PTPN4: variants seen among roughly 807,000 people sequenced by gnomAD.
PTPN4 encodes the protein tyrosine-protein phosphatase non-receptor type 4.
A neutral mutation model predicts 135.5 loss-of-function variants in PTPN4; 49 were observed. The observed-to-expected ratio is 0.36, with a 90% CI of 0.29 to 0.46. The LOEUF (loss-of-function observed/expected upper bound fraction) is 0.46, where lower values mean the gene tolerates loss of function less well. Ranked by LOEUF, PTPN4 falls within the 20% of genes least tolerant of loss-of-function variation. PTPN4 has a pLI of 1.00. For missense variants in PTPN4, 860 were observed against 1,101.0 expected (o/e 0.78, Z 3.10); for synonymous variants, 333 against 369.9 (o/e 0.90, Z 1.14).
intron 3 of PTPN4, among the ~76,000 whole-genome samples, chr2:119,871,040 A>G (rs1424253533): frequency 6.6e-6 from 1 of 151,724 alleles, no homozygotes; most frequent in Non-Finnish European, 1.5e-5. Context: ...TAAAAGTCAC[A>G]TAACCCAATA....
At chr2:119,768,790 A>G (rs2104919049) in intron 1 of PTPN4, among the ~76,000 whole-genome samples, 1 of 152,286 alleles carries the variant, frequency 6.6e-6, no homozygotes. Context: ...AGAACTTCTC[A>G]TTTAATCTTT....
At chr2:119,975,998 T>A (rs1679610619) in intron 26 of PTPN4, among the ~76,000 whole-genome samples, 1 of 82,312 alleles carries the variant, frequency 1.2e-5, no homozygotes, top group Admixed American at 2.0e-4. Flanking sequence ...TTTATTTATT[T>A]ATTTTTTTTT....
intron 1 of PTPN4, among the ~76,000 whole-genome samples, chr2:119,772,561 G>A (rs1220649793): frequency 2.0e-5 from 3 of 151,926 alleles, no homozygotes; most frequent in Non-Finnish European, 4.4e-5. Context: ...TTTTTGAGGC[G>A]GACTTTTGCT....
At chr2:119,843,656 T>A (rs1360510024) in intron 2 of PTPN4, among the ~76,000 whole-genome samples, 1 of 84,540 alleles carries the variant, frequency 1.2e-5, no homozygotes, top group African/African-American at 5.8e-5. Flanking sequence ...ACGGGGCGGC[T>A]GGCCGGGCAG....
chr2:119,773,170 A>G (rs921292864), intron 1 of PTPN4, among the ~76,000 whole-genome samples: 1 of 152,076 alleles, frequency 6.6e-6, no homozygotes, highest in Admixed American at 6.6e-5. Flanking sequence ...GCTAGGGTGA[A>G]TAGTTTTTCT....
At position 119,835,792 on chromosome 2, in the gene PTPN4, G is replaced by A. The variant is rs1022090116; in HGVS notation, c.138+25801G>A. Among the ~76,000 whole-genome samples the A allele has an allele frequency of 5.3e-5, 8 of 152,132 alleles. No individual in the cohort carries two copies. The East Asian group carries it at 5.8e-4, about 11-fold the overall frequency. ...TTTAGAAATGTGGAAGGAACCGGCC[G>A]GGCATGGTGGCTCACACCTGTAATC... On this transcript the variant is annotated intron_variant, in intron 2 of 26. Coordinates refer to ENST00000263708, the MANE Select transcript of PTPN4 (RefSeq NM_002830.4).
chr2:119,900,974 G>T (rs1412400381), intron 10 of PTPN4, among the ~76,000 whole-genome samples, 168 bp downstream of exon 10: 5 of 152,094 alleles, frequency 3.3e-5, no homozygotes, highest in South Asian at 2.1e-4. Context: ...CACCAAAATG[G>T]TTTATTTCAA....
intron 26 of PTPN4, 144 bp from the exon 27 acceptor site, chr2:119,976,840 T>C: frequency 7.1e-7 from 1 of 1,401,770 alleles, no homozygotes; most frequent in Non-Finnish European, 9.4e-7. Context: ...TCTAGACTGT[T>C]AGTGAAAAAT....
At chr2:119,856,878 C>T (rs1256873793) in intron 2 of PTPN4, among the ~76,000 whole-genome samples, 1 of 152,116 alleles carries the variant, frequency 6.6e-6, no homozygotes, top group African/African-American at 2.4e-5. Flanking sequence ...TAGAATGTAG[C>T]AATTCCTGCA....
Position 119,774,561 on chromosome 2 carries a change from A to G in PTPN4, c.-18+14177A>G, listed in dbSNP as rs116628412. Among the ~76,000 whole-genome samples, 1,122 of 152,332 alleles carry G rather than the reference A, an allele frequency of 7.4e-3. 13 individuals are homozygous for G. Among genetic ancestry groups the G allele is most frequent in the African/African-American group, 0.025 (1,059 of 41,568 alleles). On this transcript the variant is annotated intron_variant, in intron 1 of 26. Transcript: ENST00000263708. ...CTCTAATATGATTTGAGTAAAAGCAAAGTCATTATATGATGACTTAAAGCA... is the reference window on the plus strand; with the variant it reads ...CTCTAATATGATTTGAGTAAAAGCAGAGTCATTATATGATGACTTAAAGCA...
chr2:119,956,434 C>A (rs1679286959), intron 20 of PTPN4, among the ~76,000 whole-genome samples: 1 of 151,872 alleles, frequency 6.6e-6, no homozygotes, highest in Non-Finnish European at 1.5e-5. Flanking sequence ...ATTTGTTGTT[C>A]TGACATATAT....
intron 23 of PTPN4, among the ~76,000 whole-genome samples, chr2:119,961,753 G>C (rs931767739): frequency 6.6e-6 from 1 of 152,180 alleles, no homozygotes; most frequent in Non-Finnish European, 1.5e-5. Context: ...GGTAAACCTG[G>C]AAAACACTTA....
At chr2:119,900,167 T>C (rs1167722408) in intron 9 of PTPN4, among the ~76,000 whole-genome samples, 1 of 152,162 alleles carries the variant, frequency 6.6e-6, no homozygotes, top group Non-Finnish European at 1.5e-5. Flanking sequence ...TCAAATGTTA[T>C]TCTCCGGGGT....
At chr2:119,938,124 A>ATTTATTTTTTT (rs1679011137) in intron 15 of PTPN4, among the ~76,000 whole-genome samples, 1 of 117,782 alleles carries the variant, frequency 8.5e-6, no homozygotes, top group African/African-American at 3.2e-5. Flanking sequence ...ATGTGGGATA[A>ATTTATTTTTTT]TTTTTTTTTT....
At chr2:119,861,242 G>A (rs976571762) in intron 2 of PTPN4, among the ~76,000 whole-genome samples, 9 of 152,028 alleles carry the variant, frequency 5.9e-5, no homozygotes, top group Admixed American at 2.6e-4. Flanking sequence ...CTAGTACTGT[G>A]ATAGTGAGAA....
At chr2:119,806,424 A>G (rs1424954197) in intron 1 of PTPN4, among the ~76,000 whole-genome samples, 1 of 152,234 alleles carries the variant, frequency 6.6e-6, no homozygotes, top group Non-Finnish European at 1.5e-5. Flanking sequence ...AGGGGTTGCA[A>G]TCCCAGTCTC....
intron 13 of PTPN4, among the ~76,000 whole-genome samples, chr2:119,931,524 T>TCTC (rs979108273): frequency 1.2e-4 from 18 of 148,954 alleles, no homozygotes; most frequent in Non-Finnish European, 2.1e-4. Context: ...CTCACTGCAG[T>TCTC]CTCAAATTCC....
chr2:119,844,370 C>T (rs1677443531), intron 2 of PTPN4, among the ~76,000 whole-genome samples: 1 of 147,868 alleles, frequency 6.8e-6, no homozygotes, highest in Non-Finnish European at 1.5e-5. Context: ...CCACCTCCCT[C>T]CCGGACGGGG....
At chr2:119,791,968 G>C (rs1038524362) in intron 1 of PTPN4, among the ~76,000 whole-genome samples, 1 of 151,970 alleles carries the variant, frequency 6.6e-6, no homozygotes, top group Non-Finnish European at 1.5e-5. Context: ...GGCTCTGTTC[G>C]TGTTTTTTTG....
Sources: gnomAD v4.1 joint callset for allele counts (sites outside exome capture counted in the v4.1 genomes callset) on GRCh38, gnomAD v4.1.1 for gene constraint, MANE v1.5 for transcripts, NCBI Gene and HGNC (gene_info 2026-07-23, HGNC 2026-07-21) for gene names.